The following DPP10 variants were observed in gnomAD, a reference collection of about 807,000 sequenced individuals.
DPP10 encodes dipeptidyl peptidase like 10.
In DPP10, 33 loss-of-function variants were observed where a neutral mutation model predicts 120.9. The observed-to-expected ratio is 0.27, with a 90% CI of 0.21 to 0.37. The LOEUF is 0.37. Among genes scored for constraint, DPP10 ranks in the 10% least tolerant of loss-of-function variants. The pLI is 1.00. For missense variants in DPP10, 816 were observed against 942.8 expected, an observed-to-expected ratio of 0.87 and a Z score of 1.76; for synonymous variants, 337 against 326.1, an observed-to-expected ratio of 1.03 and a Z score of -0.36.
intron 7 of DPP10, among the ~76,000 whole-genome samples, chr2:115,714,510 C>T (rs866780021): frequency 3.3e-5 from 5 of 152,140 alleles, no homozygotes; most frequent in Non-Finnish European, 7.3e-5. Context: ...AAGAAAGTGT[C>T]TCCCTCTTAT....
At chr2:115,468,643 C>A in intron 3 of DPP10, 2 of 369,488 alleles carry the variant, frequency 5.4e-6, no homozygotes, top group South Asian at 2.1e-5. Flanking sequence ...GAGGTCATGC[C>A]TGATCTCTAC....
Position 114,513,237 on chromosome 2 carries a change from T to C in DPP10, c.60+70399T>C, listed in dbSNP as rs145192349. 1.7e-4 allele frequency among the ~76,000 whole-genome samples: 26 copies of C among 152,246 alleles called. 1 individual carries two copies. In the East Asian group the frequency reaches 3.9e-3, roughly 23 times the overall value. ...AACTTGGGAATAAGAAACTGGACCT[T>C]TACAGCTGGGCACGGTGGCTAACGC... is the stretch of plus-strand genomic sequence containing the variant. On this transcript the variant is annotated intron_variant, in intron 1 of 25. Transcript: ENST00000410059.
intron 1 of DPP10, among the ~76,000 whole-genome samples, chr2:115,286,511 A>ATTT (rs2060391431): frequency 3.2e-5 from 1 of 30,862 alleles, no homozygotes; most frequent in Non-Finnish European, 8.2e-5. Flanking sequence ...TATTACATAT[A>ATTT]TAATATATAT....
chr2:114,474,513 C>T (rs1160825373), intron 1 of DPP10, among the ~76,000 whole-genome samples: 1 of 152,118 alleles, frequency 6.6e-6, no homozygotes, highest in African/African-American at 2.4e-5. Flanking sequence ...TGGTATCTTT[C>T]TCAGGGGACT....
intron 1 of DPP10, among the ~76,000 whole-genome samples, chr2:115,035,840 A>C (rs1302927485): frequency 6.6e-6 from 1 of 152,238 alleles, no homozygotes; most frequent in East Asian, 1.9e-4. Context: ...ATTAACTATT[A>C]CTATGATTAC....
intron 1 of DPP10, among the ~76,000 whole-genome samples, chr2:114,598,325 CTG>C (rs1368361311): frequency 6.6e-6 from 1 of 151,844 alleles, no homozygotes; most frequent in Admixed American, 6.6e-5. Flanking sequence ...AATGATCAAA[CTG>C]TGCCTTAAGA....
chr2:115,660,936 G>T (rs1351335999), intron 5 of DPP10, among the ~76,000 whole-genome samples: 1 of 150,992 alleles, frequency 6.6e-6, no homozygotes, highest in Non-Finnish European at 1.5e-5. Flanking sequence ...AGAAGTAAAT[G>T]TGCAACCAGT....
rs142298332 is a variant in DPP10 at position 115,633,430 on chromosome 2, G to T, written c.442-56257G>T. ...GGAACATCACACACCAGGGTCTGTT[G>T]TGGGGTGGGGGTAAGGGGGAAGGAT... On this transcript the variant is annotated intron_variant, in intron 5 of 25. Coordinates refer to ENST00000410059, the MANE Select transcript of DPP10 (RefSeq NM_020868.6). 4.0e-4 allele frequency among the ~76,000 whole-genome samples: 61 copies of T among 152,298 alleles called. 1 individual carries two copies. In the East Asian group the frequency reaches 0.01, roughly 26 times the overall value.
intron 3 of DPP10, among the ~76,000 whole-genome samples, chr2:115,427,430 G>C (rs755012123): frequency 6.6e-6 from 1 of 152,150 alleles, no homozygotes; most frequent in Non-Finnish European, 1.5e-5. Flanking sequence ...CTTCACTCTC[G>C]CAGGGTGCAT....
chr2:115,690,199 T>G (rs2091236492), intron 7 of DPP10, among the ~76,000 whole-genome samples: 1 of 152,184 alleles, frequency 6.6e-6, no homozygotes, highest in Admixed American at 6.5e-5. Context: ...TACTAGGACC[T>G]TGTACTGCAT....
chr2:115,681,959 T>C (rs969969623), intron 5 of DPP10, among the ~76,000 whole-genome samples: 5 of 151,872 alleles, frequency 3.3e-5, no homozygotes, highest in African/African-American at 1.2e-4. Flanking sequence ...TTCGAAGTCA[T>C]GGTTTATTCA....
intron 1 of DPP10, among the ~76,000 whole-genome samples, chr2:114,930,690 A>T (rs1449806006): frequency 1.3e-5 from 2 of 152,202 alleles, no homozygotes; most frequent in East Asian, 3.9e-4. Flanking sequence ...TATTTAGCTT[A>T]TAGTTTTGTA....
chr2:114,655,137 C>A, intron 1 of DPP10, among the ~76,000 whole-genome samples: 1 of 152,128 alleles, frequency 6.6e-6, no homozygotes, highest in Non-Finnish European at 1.5e-5. Context: ...AACGACACAG[C>A]ATAATGCCTG....
intron 1 of DPP10, among the ~76,000 whole-genome samples, chr2:114,604,486 A>G (rs1692630790): frequency 6.6e-6 from 1 of 152,090 alleles, no homozygotes; most frequent in Admixed American, 6.6e-5. Context: ...CTGCGTGTAC[A>G]GATACCTTTA....
intron 1 of DPP10, among the ~76,000 whole-genome samples, chr2:114,685,342 C>T (rs1038359123): frequency 6.6e-6 from 1 of 151,670 alleles, no homozygotes; most frequent in South Asian, 2.1e-4. Flanking sequence ...GCCACTGACT[C>T]TTAGGAATCA....
At chr2:115,378,923 G>A (rs959400435) in intron 3 of DPP10, among the ~76,000 whole-genome samples, 1 of 152,244 alleles carries the variant, frequency 6.6e-6, no homozygotes, top group South Asian at 2.1e-4. Flanking sequence ...TGGTGGATAA[G>A]CTTTTTGATG....
chr2:114,663,271 T>TATATATATATATATATACAC (rs375462897), intron 1 of DPP10, among the ~76,000 whole-genome samples: 4 of 147,348 alleles, frequency 2.7e-5, no homozygotes, highest in East Asian at 2.0e-4. Flanking sequence ...TATATATATA[T>TATATATATATATATATACAC]ACACACACAT....
chr2:115,561,065 C>A (rs561234905), intron 5 of DPP10, among the ~76,000 whole-genome samples: 1 of 152,030 alleles, frequency 6.6e-6, no homozygotes, highest in East Asian at 1.9e-4. Flanking sequence ...ATCTCAAGGA[C>A]TGGCCAGGTG....
chr2:114,514,581 C>G (rs1223737796), intron 1 of DPP10, among the ~76,000 whole-genome samples: 1 of 152,118 alleles, frequency 6.6e-6, no homozygotes. Flanking sequence ...CAGGATTTAA[C>G]TTAAGCTCCA....
Sources: allele counts gnomAD v4.1 joint callset (sites outside exome capture counted in the v4.1 genomes callset), GRCh38; gene constraint gnomAD v4.1.1; transcripts MANE v1.5; gene names NCBI Gene and HGNC (gene_info 2026-07-23, HGNC 2026-07-21).